The following CEP63 variants were observed in gnomAD, a reference collection of about 807,000 sequenced individuals.
CEP63 encodes centrosomal protein of 63 kDa.
A neutral mutation model predicts 89.1 loss-of-function variants in CEP63; 84 were observed. The ratio of observed to expected loss-of-function variants is 0.94; its 90% CI spans 0.79 to 1.13. The LOEUF is 1.13. CEP63 is among the 50% of genes most tolerant of loss of function. The pLI, the probability that CEP63 is intolerant of heterozygous loss-of-function variation, is 0.00. For missense variants in CEP63, 838 were observed against 813.3 expected, an observed-to-expected ratio of 1.03 and a Z score of -0.37; for synonymous variants, 267 against 272.5, an observed-to-expected ratio of 0.98 and a Z score of 0.20.
At chr3:134,659,081 A>G in the CEP63 span, among the ~76,000 whole-genome samples, 90,079 of 152,010 alleles carry the variant, frequency 0.59, 28,168 homozygotes, top group East Asian at 0.89. Flanking sequence ...GGTACTTTGA[A>G]TTTTGGAGTC....
In CEP63 at chr3:134,503,130, C is replaced by T. The variant is rs1040426578; in HGVS notation, c.45-3979C>T. Among the ~76,000 whole-genome samples, 521 of 67,988 alleles carry T rather than the reference C, an allele frequency of 7.7e-3. 4 individuals carry two copies. Among genetic ancestry groups the T allele is most frequent in the African/African-American group, 0.024 (413 of 17,330 alleles). The allele number at this position is 67,988 out of a possible 152,430, so 44.6% of individuals were successfully genotyped here. ...TTTTTTTTTTTTTTTTGTCTTTGTG[C>T]TGTTTTGATGTAGGCATCTATTGCT... On this transcript the variant is annotated intron_variant, in intron 2 of 14. Transcript: ENST00000675561.
At position 134,533,017 on chromosome 3, in the gene CEP63, A is replaced by G. The variant is rs553766310; in HGVS notation, c.441+117A>G. On this transcript the variant is annotated intron_variant, in intron 5 of 14. Coordinates refer to ENST00000675561, the MANE Select transcript of CEP63 (RefSeq NM_001353108.3). ...TTCTACTATCTTAAGGACTGCCACT[A>G]AGCTATTTCAGAGGTGAGAGGGTGA... is the stretch of plus-strand genomic sequence containing the variant. The G allele has an allele frequency of 4.7e-4, 495 of 1,044,838 alleles. 12 individuals are homozygous for G. In the South Asian group the frequency reaches 6.2e-3, roughly 13 times the overall value. The allele number at this position is 1,044,838 out of a possible 1,614,324, so 64.7% of individuals were successfully genotyped here.
At chr3:134,679,224 G>A in the CEP63 span, among the ~76,000 whole-genome samples, 1 of 152,044 alleles carries the variant, frequency 6.6e-6, no homozygotes, top group Non-Finnish European at 1.5e-5. Context: ...ATATTTTCCT[G>A]TGCAGTGCTC....
intron 10 of CEP63, among the ~76,000 whole-genome samples, chr3:134,583,900 C>CT (rs1177012583): frequency 6.6e-6 from 1 of 152,110 alleles, no homozygotes; most frequent in Non-Finnish European, 1.5e-5. Context: ...CTTCACATCC[C>CT]TTGTAAGTTG....
the CEP63 span, chr3:134,643,247 C>T: frequency 1.2e-5 from 18 of 1,484,808 alleles, no homozygotes; most frequent in East Asian, 6.8e-5. Context: ...CCTGGGCTGT[C>T]GCTGGCCAGA....
the CEP63 span, among the ~76,000 whole-genome samples, chr3:134,594,320 A>G: frequency 6.6e-6 from 1 of 151,944 alleles, no homozygotes; most frequent in Non-Finnish European, 1.5e-5. Flanking sequence ...CCCTCATGCC[A>G]CCAGCCTCTC....
rs1180643225 is a variant in CEP63 at position 134,525,309 on chromosome 3, T to C, written c.223-6536T>C. ...TAGCTGGTGGTCTGTTTTAATTTTT[T>C]CAAGAAATCAGCTTCTAGATTTGTT... is the stretch of plus-strand genomic sequence containing the variant. On this transcript the variant is annotated intron_variant, in intron 3 of 14. Coordinates refer to ENST00000675561, the MANE Select transcript of CEP63 (RefSeq NM_001353108.3). Among the ~76,000 whole-genome samples the C allele has an allele frequency of 2.0e-5, 3 of 152,182 alleles. No individual in the cohort carries two copies. In the East Asian group the frequency reaches 5.8e-4, roughly 29 times the overall value.
chr3:134,492,070 C>CTTT lies in CEP63; in HGVS notation c.-25-3207_-25-3205dup, dbSNP rs74269453. 7.8e-3 allele frequency among the ~76,000 whole-genome samples: 804 copies of CTTT among 103,548 alleles called. 2 individuals are homozygous for CTTT. The highest frequency in any genetic ancestry group is 9.5e-3 in the Non-Finnish European group (523 of 54,804). 67.9% of individuals were successfully genotyped at this position (103,548 alleles called of 152,430 possible). A position where few individuals can be genotyped will look rare whatever the true frequency, so the allele number is the denominator to read the frequency against. ...TATTATAAGACATTCTATTTGTATTCTTTTTTTTTTTTTTTTTTTTTGAGA... is the reference window on the plus strand; with the variant it reads ...TATTATAAGACATTCTATTTGTATTCTTTTTTTTTTTTTTTTTTTTTTTTGAGA... On this transcript the variant is annotated intron_variant, in intron 1 of 14. Transcript: ENST00000675561.
At chr3:134,613,848 G>A in the CEP63 span, among the ~76,000 whole-genome samples, 7 of 152,146 alleles carry the variant, frequency 4.6e-5, no homozygotes, top group Non-Finnish European at 1.0e-4. Context: ...GAACCCACAG[G>A]AGTTTTGTCT....
the CEP63 span, among the ~76,000 whole-genome samples, chr3:134,617,364 C>G: frequency 6.6e-6 from 1 of 152,088 alleles, no homozygotes; most frequent in Non-Finnish European, 1.5e-5. Context: ...TAGGAATATC[C>G]TGTCATTTCT....
At chr3:134,750,921 TTTCCTATGGATTCACAATGGAA>T in the CEP63 span, among the ~76,000 whole-genome samples, 1 of 152,240 alleles carries the variant, frequency 6.6e-6, no homozygotes, top group East Asian at 1.9e-4. Context: ...TCACAATGGA[TTTCCTATGGATTCACAATGGAA>T]TTCCTATGGA....
the CEP63 span, chr3:134,608,148 G>A: frequency 8.8e-7 from 1 of 1,140,498 alleles, no homozygotes; most frequent in Non-Finnish European, 1.1e-6. Context: ...CCAGATTCCA[G>A]CTCTGCTGAG....
At chr3:134,619,001 T>C in the CEP63 span, 9 of 644,556 alleles carry the variant, frequency 1.4e-5, no homozygotes, top group East Asian at 2.2e-4. Flanking sequence ...AAGGGAGAAA[T>C]TGACCTTTTC....
rs1560024200 is a variant in CEP63, at chr3:134,551,976, TGAAATGGTGATGAAATTG to T, written c.1435_1452del (p.Met479_Glu484del). Reference sequence around the variant, plus strand: ...TCAAATTAGAAAATCGTCATCTTTCTGAAATGGTGATGAAATTGGAATTGGGTTTACATGAGGTACATA... The same window carrying T: ...TCAAATTAGAAAATCGTCATCTTTCTGAATTGGGTTTACATGAGGTACATA... On this transcript the variant is annotated inframe_deletion, in exon 12 of 15. Transcript: ENST00000675561. The T allele has an allele frequency of 6.2e-7, 1 of 1,607,762 alleles. No homozygotes were observed. The highest frequency in any genetic ancestry group is 2.2e-5 in the East Asian group (1 of 44,620).
chr3:134,772,402 A>G, the CEP63 span, among the ~76,000 whole-genome samples: 1 of 152,290 alleles, frequency 6.6e-6, no homozygotes, highest in East Asian at 1.9e-4. Flanking sequence ...CGAGGGAGAC[A>G]CTTGGCTTGT....
chr3:134,506,037 A>C (rs1220791299), intron 2 of CEP63, among the ~76,000 whole-genome samples: 1 of 152,172 alleles, frequency 6.6e-6, no homozygotes, highest in Non-Finnish European at 1.5e-5. Flanking sequence ...TTGTTTGCCT[A>C]CATCCTATCT....
At chr3:134,691,535 T>C in the CEP63 span, among the ~76,000 whole-genome samples, 1 of 151,670 alleles carries the variant, frequency 6.6e-6, no homozygotes, top group Non-Finnish European at 1.5e-5. Context: ...GGAGGATCTT[T>C]TGAACCCAGG....
chr3:134,684,117 T>A, the CEP63 span, among the ~76,000 whole-genome samples: 1 of 152,204 alleles, frequency 6.6e-6, no homozygotes, highest in Non-Finnish European at 1.5e-5. Context: ...TTTTTGTTCT[T>A]CTTTGGCTTT....
chr3:134,703,014 G>A, the CEP63 span, among the ~76,000 whole-genome samples: 1 of 152,146 alleles, frequency 6.6e-6, no homozygotes, highest in South Asian at 2.1e-4. Flanking sequence ...AGATACATGT[G>A]GCCGAGTGCG....
Sources: allele counts gnomAD v4.1 joint callset (sites outside exome capture counted in the v4.1 genomes callset), GRCh38; gene constraint gnomAD v4.1.1; transcripts MANE v1.5; gene names NCBI Gene and HGNC (gene_info 2026-07-23, HGNC 2026-07-21).